ARRDC4: variants seen among roughly 807,000 people sequenced by gnomAD.
The protein encoded by ARRDC4 is arrestin domain containing 4.
A neutral mutation model predicts 44.6 loss-of-function variants in ARRDC4; 40 were observed. That is an observed-to-expected ratio of 0.90 (90% CI 0.70 to 1.17). The LOEUF is 1.17. Ranked by LOEUF, ARRDC4 falls within the 50% of genes most tolerant of loss-of-function variation. The pLI is 0.00. For missense variants in ARRDC4, 550 were observed against 559.1 expected (o/e 0.98, Z 0.16); for synonymous variants, 211 against 221.2 (o/e 0.95, Z 0.41).
rs748246023 is a variant in ARRDC4, at chr15:97,970,555, G to A, written c.1046-34G>A. On this transcript the variant is annotated intron_variant, in intron 6 of 7. Coordinates refer to ENST00000268042, the MANE Select transcript of ARRDC4 (RefSeq NM_183376.3). The surrounding 1 kb of genome is among the most constrained non-coding windows in gnomAD (Gnocchi z 4.2). The stretch of plus-strand genomic sequence containing the variant: ...TAAGAATCGAGATTAATTTTTGAGT[G>A]GATTTCTTAACTCCAACTTCATTTC... 4.5e-6 allele frequency: 7 copies of A among 1,572,328 alleles called. No homozygotes were observed. Among genetic ancestry groups the A allele is most frequent in the East Asian group, 2.3e-5 (1 of 44,146 alleles).
In ARRDC4 at chr15:97,973,396, T is replaced by TA. The variant is rs1258610358; in HGVS notation, c.*2210dup. On this transcript the variant is annotated 3_prime_UTR_variant, in exon 8 of 8. Transcript: ENST00000268042. ...GGTGTGACTTGCCTTATTGAAATGA[T>TA]ACTGGCATATCTGACTGTAAGCAGT... 1 of 152,654 alleles carries TA rather than the reference T, an allele frequency of 6.6e-6. No individual in the cohort carries two copies. The highest frequency in any genetic ancestry group is 2.4e-5 in the African/African-American group (1 of 41,584). 9.5% of individuals were successfully genotyped at this position (152,654 alleles called of 1,614,324 possible). A position where few individuals can be genotyped will look rare whatever the true frequency, so the allele number is the denominator to read the frequency against.
At position 97,968,164 on chromosome 15, in the gene ARRDC4, T is replaced by C; in HGVS notation, c.625+48T>C. ...CAAATGAAAGATTTCATTCATTTTC[T>C]TAGCTAATTTTAAGTGATTTTAAAT... On this transcript the variant is annotated intron_variant, in intron 4 of 7. Transcript: ENST00000268042. This position sits in a 1 kb window ranked among gnomAD's most constrained non-coding sequence, Gnocchi z 5.4. The C allele has an allele frequency of 7.8e-7, 1 of 1,275,358 alleles. No individual in the cohort carries two copies. The highest frequency in any genetic ancestry group is 1.1e-6 in the Non-Finnish European group (1 of 922,066). The allele number at this position is 1,275,358 out of a possible 1,614,324, so 79.0% of individuals were successfully genotyped here.
intron 1 of ARRDC4, among the ~76,000 whole-genome samples, chr15:97,961,724 A>G (rs995966909): frequency 3.3e-5 from 5 of 152,162 alleles, no homozygotes; most frequent in African/African-American, 1.2e-4. Flanking sequence ...GGAGCAGGGC[A>G]ACTTAGTAAG....
In ARRDC4 at chr15:97,971,119, C is replaced by G. The variant is rs763483627; in HGVS notation, c.1201-12C>G. ...GCTACAACACTAATCTCAGTCCGCTCTTTTTTTGCAGGTTGACCCACATCC... is the reference window on the plus strand; with the variant it reads ...GCTACAACACTAATCTCAGTCCGCTGTTTTTTTGCAGGTTGACCCACATCC... On this transcript the variant is annotated splice_polypyrimidine_tract_variant and intron_variant, in intron 7 of 7. Coordinates refer to ENST00000268042, the MANE Select transcript of ARRDC4 (RefSeq NM_183376.3). 1 of 1,612,688 alleles carries G rather than the reference C, an allele frequency of 6.2e-7. No individual in the cohort carries two copies. Among genetic ancestry groups the G allele is most frequent in the Non-Finnish European group, 8.5e-7 (1 of 1,179,016 alleles).
Position 97,970,119 on chromosome 15 carries a change from T to G in ARRDC4, c.1045+74T>G. On this transcript the variant is annotated intron_variant, in intron 6 of 7. Transcript: ENST00000268042. This position sits in a 1 kb window ranked among gnomAD's most constrained non-coding sequence, Gnocchi z 4.2. ...CCTAGGAACAGAATATATACACTAT[T>G]AAGTGCTCAGATGTTGATGAGTACT... The G allele has an allele frequency of 6.9e-7, 1 of 1,450,416 alleles. No individual in the cohort carries two copies. The highest frequency in any genetic ancestry group is 9.3e-7 in the Non-Finnish European group (1 of 1,071,398). The allele number at this position is 1,450,416 out of a possible 1,614,324, so 89.8% of individuals were successfully genotyped here.
chr15:97,972,711 CTTCAT>C lies in ARRDC4; in HGVS notation c.*1527_*1531del, dbSNP rs1297905646. On this transcript the variant is annotated 3_prime_UTR_variant, in exon 8 of 8. Coordinates refer to ENST00000268042, the MANE Select transcript of ARRDC4 (RefSeq NM_183376.3). This position sits in a 1 kb window ranked among gnomAD's most constrained non-coding sequence, Gnocchi z 5.3. ...GGTGCTTCCCCTGCAGAATACTGTA[CTTCAT>C]TTAACAGAATGATTGATTTTTCTTT... 1.3e-5 allele frequency: 2 copies of C among 152,614 alleles called. No homozygotes were observed. The highest frequency in any genetic ancestry group is 2.9e-5 in the Non-Finnish European group (2 of 68,038). The allele number at this position is 152,614 out of a possible 1,614,324, so 9.5% of individuals were successfully genotyped here. A position where few individuals can be genotyped will look rare whatever the true frequency, so the allele number is the denominator to read the frequency against.
In ARRDC4 at chr15:97,965,134, T is replaced by C. The variant is rs192690768; in HGVS notation, c.308-466T>C. 7.2e-5 allele frequency among the ~76,000 whole-genome samples: 11 copies of C among 152,336 alleles called. No homozygotes were observed. Among genetic ancestry groups the C allele is most frequent in the African/African-American group, 2.6e-4 (11 of 41,574 alleles). On this transcript the variant is annotated intron_variant, in intron 1 of 7. Transcript: ENST00000268042. This position sits in a 1 kb window ranked among gnomAD's most constrained non-coding sequence, Gnocchi z 5.1. ...GTGTATGTATGTGTGAGTGTTATGGTACTTGGTAAAAACTGGCCAAGTGCA... is the reference window on the plus strand; with the variant it reads ...GTGTATGTATGTGTGAGTGTTATGGCACTTGGTAAAAACTGGCCAAGTGCA...
At chr15:97,961,455 T>C (rs1470892150) in intron 1 of ARRDC4, among the ~76,000 whole-genome samples, 3 of 152,332 alleles carry the variant, frequency 2.0e-5, no homozygotes, top group African/African-American at 7.2e-5. Context: ...AACCTGTGAT[T>C]GGACAATGGG....
chr15:97,970,025 C>T lies in ARRDC4; in HGVS notation c.1025C>T (p.Thr342Ile). The T allele has an allele frequency of 1.2e-6, 2 of 1,610,864 alleles. No homozygotes were observed. Among genetic ancestry groups the T allele is most frequent in the South Asian group, 1.1e-5 (1 of 90,698 alleles). Residue 342 changes from threonine (T) to isoleucine (I), a missense_variant, in exon 6 of 8, where the codon ACC (threonine) becomes ATC (isoleucine). Coordinates refer to ENST00000268042, the MANE Select transcript of ARRDC4 (RefSeq NM_183376.3). This position sits in a 1 kb window ranked among gnomAD's most constrained non-coding sequence, Gnocchi z 4.2. ...FSMDMSWLTL[T>I]LPEQPEAPPN... ...ATGGATATGAGCTGGTTGACACTGA[C>T]CCTGCCAGAGCAGCCTGAAGGTAAA...
chr15:97,961,108 G>A lies in ARRDC4; in HGVS notation c.247G>A (p.Ala83Thr). 2.7e-6 allele frequency: 4 copies of A among 1,457,578 alleles called. No homozygotes were observed. The highest frequency in any genetic ancestry group is 1.5e-5 in the African/African-American group (1 of 67,644). 90.3% of individuals were successfully genotyped at this position (1,457,578 alleles called of 1,614,324 possible). A position where few individuals can be genotyped will look rare whatever the true frequency, so the allele number is the denominator to read the frequency against. ...PRASASTAAL[A>T]VFSEVEYLNV... ...CGCCTCGGCCAGCACCGCGGCCCTG[G>A]CTGTCTTCTCGGAGGTGGAGTACCT... The change falls in exon 1 of 8, where the codon GCT becomes ACT. Residue 83 changes from alanine to threonine, a missense_variant. Transcript: ENST00000268042.
At chr15:97,963,799 AT>A (rs1459887440) in intron 1 of ARRDC4, among the ~76,000 whole-genome samples, 4 of 152,232 alleles carry the variant, frequency 2.6e-5, no homozygotes, top group Admixed American at 2.6e-4. Flanking sequence ...ATTTCAAAAC[AT>A]TTGTAAATAC....
chr15:97,971,044 A>T, intron 7 of ARRDC4, 87 bp from the exon 8 acceptor site: 1 of 1,431,844 alleles, frequency 7.0e-7, no homozygotes, highest in Non-Finnish European at 9.8e-7. Context: ...CCAGCTTGGC[A>T]TATAACCATC....
At position 97,970,948 on chromosome 15, in the gene ARRDC4, A is replaced by ACG. The variant is rs111462734; in HGVS notation, c.1201-183_1201-182insCG. ...CCTTGTGATCTATGGCATCAGATACAGTATTGTGGATTGCCTTTAAGGTGT... is the reference window on the plus strand; with the variant it reads ...CCTTGTGATCTATGGCATCAGATACACGGTATTGTGGATTGCCTTTAAGGTGT... On this transcript the variant is annotated intron_variant, in intron 7 of 7. Transcript: ENST00000268042. The surrounding 1 kb of genome is among the most constrained non-coding windows in gnomAD (Gnocchi z 4.2). Among the ~76,000 whole-genome samples the ACG allele has an allele frequency of 2.6e-5, 4 of 152,104 alleles. No homozygotes were observed. The highest frequency in any genetic ancestry group is 4.8e-5 in the African/African-American group (2 of 41,426).
Position 97,960,711 on chromosome 15 carries a change from T to C in ARRDC4, c.-151T>C, listed in dbSNP as rs116718710. 6,720 of 640,478 alleles carry C rather than the reference T, an allele frequency of 0.01. 362 individuals are homozygous for C. The African/African-American group carries it at 0.11, about 11-fold the overall frequency. 39.7% of individuals were successfully genotyped at this position (640,478 alleles called of 1,614,324 possible). The stretch of plus-strand genomic sequence containing the variant: ...ACTGGGTTTGTTAAAGCGACAGGCC[T>C]CTCGGCGAGCCGGTGCCCCATCGGG... On this transcript the variant is annotated 5_prime_UTR_variant, in exon 1 of 8. Coordinates refer to ENST00000268042, the MANE Select transcript of ARRDC4 (RefSeq NM_183376.3).
chr15:97,960,912 G>A lies in ARRDC4; in HGVS notation c.51G>A (p.Val17=). 1 of 1,435,784 alleles carries A rather than the reference G, an allele frequency of 7.0e-7. No homozygotes were observed. The allele number at this position is 1,435,784 out of a possible 1,614,324, so 88.9% of individuals were successfully genotyped here. ...CGGCCGTGGGTGCCGAGGGCCGCGT[G>A]AAGAGCCTGGGTCTGGTGTTCGAGG... The part of the protein sequence containing the change: ...CAAAVGAEGR[V]KSLGLVFEDE... Residue 17 remains valine (V), a synonymous_variant, in exon 1 of 8, where the codon GTG becomes GTA. Transcript: ENST00000268042.
In ARRDC4 at chr15:97,970,098, G is replaced by T; in HGVS notation, c.1045+53G>T. On this transcript the variant is annotated intron_variant, in intron 6 of 7. Transcript: ENST00000268042. The surrounding 1 kb of genome is among the most constrained non-coding windows in gnomAD (Gnocchi z 4.2). The stretch of plus-strand genomic sequence containing the variant: ...CGAAGCTTTACCTAGAAAATACCTA[G>T]GAACAGAATATATACACTATTAAGT... 1 of 1,554,930 alleles carries T rather than the reference G, an allele frequency of 6.4e-7. No homozygotes were observed.
At position 97,965,983 on chromosome 15, in the gene ARRDC4, A is replaced by G; in HGVS notation, c.463A>G (p.Ser155Gly). ...GGAACGACCCAAGGTACCTGATCAG[A>G]GTGTAAAGCGGGAACTCCAGGTTGT... Reference protein sequence around the residue: ...VLERPKVPDQSVKRELQVVSH... With the variant: ...VLERPKVPDQGVKRELQVVSH... Residue 155 changes from serine to glycine, a missense_variant, in exon 3 of 8, where the codon AGT (serine) becomes GGT (glycine). Coordinates refer to ENST00000268042, the MANE Select transcript of ARRDC4 (RefSeq NM_183376.3). The surrounding 1 kb of genome is among the most constrained non-coding windows in gnomAD (Gnocchi z 5.1). The G allele has an allele frequency of 3.1e-6, 5 of 1,614,188 alleles. No homozygotes were observed. Among genetic ancestry groups the G allele is most frequent in the Non-Finnish European group, 2.5e-6 (3 of 1,180,022 alleles).
chr15:97,969,689 C>T (rs192342785), intron 5 of ARRDC4, among the ~76,000 whole-genome samples, 194 bp from the exon 6 acceptor site: 157 of 152,260 alleles, frequency 1.0e-3, no homozygotes, highest in African/African-American at 3.7e-3. Flanking sequence ...ACACAGTTCT[C>T]TGTCACAGAG....
intron 1 of ARRDC4, among the ~76,000 whole-genome samples, chr15:97,962,063 T>TTA (rs2141531720): frequency 6.6e-6 from 1 of 152,350 alleles, no homozygotes; most frequent in South Asian, 2.1e-4. Flanking sequence ...GGAAACTAGT[T>TTA]TAAACTTTTA....
Sources: allele counts gnomAD v4.1 joint callset (sites outside exome capture counted in the v4.1 genomes callset), GRCh38; gene constraint gnomAD v4.1.1; non-coding constraint Gnocchi (gnomAD v3.1); transcripts MANE v1.5; gene names NCBI Gene and HGNC (gene_info 2026-07-23, HGNC 2026-07-21).